SCN7A: variants seen among roughly 807,000 people sequenced by gnomAD.
SCN7A encodes sodium channel protein type 7 subunit alpha.
SCN7A carries 138 observed loss-of-function variants against 155.2 expected under a neutral mutation model. That is an observed-to-expected ratio of 0.89 (90% CI 0.77 to 1.02). The LOEUF (loss-of-function observed/expected upper bound fraction) is 1.02. Among genes scored for constraint, SCN7A ranks in the 50% least tolerant of loss-of-function variants. The pLI, the probability that SCN7A is intolerant of heterozygous loss-of-function variation, is 0.00. For missense variants in SCN7A, 2,058 were observed against 1,986.6 expected, an observed-to-expected ratio of 1.04 and a Z score of -0.68; for synonymous variants, 693 against 649.0, an observed-to-expected ratio of 1.07 and a Z score of -1.03.
chr2:166,455,625 G>A (rs1370028832), intron 11 of SCN7A, among the ~76,000 whole-genome samples: 1 of 152,076 alleles, frequency 6.6e-6, no homozygotes, highest in East Asian at 1.9e-4. Flanking sequence ...GGGATCATTT[G>A]TACCCCAAGC....
At chr2:166,474,789 A>G (rs1262565771) in intron 3 of SCN7A, among the ~76,000 whole-genome samples, 1 of 151,740 alleles carries the variant, frequency 6.6e-6, no homozygotes, top group African/African-American at 2.4e-5. Flanking sequence ...AGATCCAATG[A>G]ATTGAAATAG....
chr2:166,462,631 A>T (rs1702440383), intron 9 of SCN7A, 101 bp from the exon 10 acceptor site: 3 of 1,046,512 alleles, frequency 2.9e-6, no homozygotes, highest in Non-Finnish European at 4.1e-6. Flanking sequence ...TAGAGAACTC[A>T]CGCTTCCACA....
rs1206186362 is a variant in SCN7A, at chr2:166,456,997, A to C, written c.1163T>G (p.Leu388Trp). 6.2e-7 allele frequency: 1 copy of C among 1,610,714 alleles called. No homozygotes were observed. The highest frequency in any genetic ancestry group is 8.5e-7 in the Non-Finnish European group (1 of 1,178,706). ...SFLFSFYMAS[L>W]FLGILAMAYE... is the part of the protein sequence containing the mutation. ...GGCCATGGCAAGTATGCCTAAGAACAAACTTGCCATATAAAAGGAAAACAA... is the reference window on the plus strand; with the variant it reads ...GGCCATGGCAAGTATGCCTAAGAACCAACTTGCCATATAAAAGGAAAACAA... The change falls in exon 11 of 26, where the codon TTG (leucine) becomes TGG (tryptophan). Residue 388 changes from leucine to tryptophan, a missense_variant. By Grantham distance (61) the Leu-to-Trp change is moderately conservative. Coordinates refer to ENST00000643258, the MANE Select transcript of SCN7A (RefSeq NM_002976.4).
chr2:166,472,408 C>A lies in SCN7A; in HGVS notation c.481G>T (p.Val161Leu). 6.2e-7 allele frequency: 1 copy of A among 1,606,074 alleles called. No individual in the cohort carries two copies. The highest frequency in any genetic ancestry group is 2.2e-5 in the East Asian group (1 of 44,720). Residue 161 changes from valine (V) to leucine (L), a missense_variant, in exon 6 of 26, where the codon GTA (valine) becomes TTA (leucine). Val to Leu is a conservative substitution (Grantham distance 32). Transcript: ENST00000643258. ...CAGACACCTCTTGCAAAGAGTTTTA[C>A]AAGTATTTCAAATGTGTAAATTCCA... ...LLGIYTFEILVKLFARGVWAG... is the reference protein window; with the variant it reads ...LLGIYTFEILLKLFARGVWAG...
chr2:166,416,657 C>T, intron 21 of SCN7A, 50 bp downstream of exon 21: 1 of 1,465,170 alleles, frequency 6.8e-7, no homozygotes, highest in Non-Finnish European at 9.2e-7. Context: ...ATTCAACCTA[C>T]AATATGGATG....
chr2:166,440,749 G>A (rs1701941620), intron 15 of SCN7A: 1 of 151,924 alleles, frequency 6.6e-6, no homozygotes, highest in Non-Finnish European at 1.5e-5. Context: ...TTTGTATTTA[G>A]TTAAATACAA....
rs1412030034 is a variant in SCN7A at position 166,481,533 on chromosome 2, T to G, written c.-14-3823A>C. The stretch of plus-strand genomic sequence containing the variant: ...TGAAACAGAGAAAATTGTCAAGGGA[T>G]TTTACTTAATAGTAACTGCAATACA... On this transcript the variant is annotated intron_variant, in intron 2 of 25. Coordinates refer to ENST00000643258, the MANE Select transcript of SCN7A (RefSeq NM_002976.4). Among the ~76,000 whole-genome samples, 6 of 151,916 alleles carry G rather than the reference T, an allele frequency of 3.9e-5. No homozygotes were observed. In the South Asian group the frequency reaches 1.2e-3, roughly 32 times the overall value.
At chr2:166,469,758 G>T (rs1258446233) in intron 7 of SCN7A, among the ~76,000 whole-genome samples, 2 of 151,858 alleles carry the variant, frequency 1.3e-5, no homozygotes, top group Non-Finnish European at 2.9e-5. Context: ...AACTCTCACT[G>T]ATTCCTTCAC....
intron 2 of SCN7A, among the ~76,000 whole-genome samples, chr2:166,485,419 C>A (rs1475852045): frequency 6.6e-6 from 1 of 152,078 alleles, no homozygotes; most frequent in Non-Finnish European, 1.5e-5. Context: ...TAGAAGTCCA[C>A]AAACAGTGCC....
intron 5 of SCN7A, among the ~76,000 whole-genome samples, chr2:166,473,156 T>C (rs892847621): frequency 6.6e-6 from 1 of 151,710 alleles, no homozygotes; most frequent in East Asian, 1.9e-4. Flanking sequence ...CCTGCACTTG[T>C]GCCTCTGAAC....
intron 14 of SCN7A, 145 bp downstream of exon 14, chr2:166,443,358 G>T: frequency 1.6e-6 from 1 of 634,782 alleles, no homozygotes; most frequent in Non-Finnish European, 2.6e-6. Flanking sequence ...CTCTTTCCTT[G>T]GCAATAAACT....
chr2:166,456,817 TATATATATATATAGATAG>T (rs939758275), intron 11 of SCN7A, 35 bp downstream of exon 11: 70 of 534,074 alleles, frequency 1.3e-4, no homozygotes, highest in South Asian at 4.3e-4. Flanking sequence ...TATATATATA[TATATATATATATAGATAG>T]ATAGATAGAT....
chr2:166,471,003 A>G (rs1469136942), intron 6 of SCN7A, among the ~76,000 whole-genome samples: 1 of 151,944 alleles, frequency 6.6e-6, no homozygotes, highest in African/African-American at 2.4e-5. Context: ...TTATCTAATT[A>G]CTGAAAAGAT....
intron 2 of SCN7A, among the ~76,000 whole-genome samples, chr2:166,477,927 T>A (rs1270996662): frequency 6.6e-6 from 1 of 151,990 alleles, no homozygotes; most frequent in African/African-American, 2.4e-5. Context: ...CACTTATTCA[T>A]CGTTTTAACA....
At chr2:166,475,104 G>GTGTA (rs1488711831) in intron 3 of SCN7A, among the ~76,000 whole-genome samples, 2 of 86,026 alleles carry the variant, frequency 2.3e-5, no homozygotes, top group African/African-American at 7.5e-5. Context: ...ACATATATAT[G>GTGTA]TATATATATA....
chr2:166,422,200 G>A (rs1701525715), intron 19 of SCN7A, among the ~76,000 whole-genome samples: 1 of 152,014 alleles, frequency 6.6e-6, no homozygotes, highest in African/African-American at 2.4e-5. Context: ...ATTGTTTATA[G>A]AATAGAGAGC....
intron 9 of SCN7A, among the ~76,000 whole-genome samples, chr2:166,464,068 C>A (rs1400279291): frequency 6.7e-6 from 1 of 150,336 alleles, no homozygotes; most frequent in Non-Finnish European, 1.5e-5. Context: ...ACAAACTATA[C>A]ATACACACAT....
At chr2:166,421,063 C>T (rs1472060959) in intron 20 of SCN7A, 127 bp downstream of exon 20, 12 of 548,830 alleles carry the variant, frequency 2.2e-5, no homozygotes, top group African/African-American at 8.0e-5. Context: ...AGCAATGAAA[C>T]GTAAAGTTTT....
intron 15 of SCN7A, among the ~76,000 whole-genome samples, chr2:166,438,971 A>AT: frequency 1.0e-5 from 1 of 99,018 alleles, no homozygotes; most frequent in Admixed American, 1.0e-4. Flanking sequence ...ATGTTTAGGC[A>AT]AATATATATA....
Sources: allele counts gnomAD v4.1 joint callset (sites outside exome capture counted in the v4.1 genomes callset), GRCh38; gene constraint gnomAD v4.1.1; transcripts MANE v1.5; gene names NCBI Gene and HGNC (gene_info 2026-07-23, HGNC 2026-07-21).